TDRD3: variants seen among roughly 807,000 people sequenced by gnomAD.
TDRD3 encodes tudor domain-containing protein 3.
Under a neutral mutation model 86.7 loss-of-function variants are expected in TDRD3, and 45 were observed. The ratio of observed to expected loss-of-function variants is 0.52; its 90% confidence interval spans 0.41 to 0.67. TDRD3 has a LOEUF of 0.67. TDRD3 is among the 30% of genes least tolerant of loss of function. TDRD3 has a pLI of 0.00. For missense variants in TDRD3, 814 were observed against 889.0 expected, an observed-to-expected ratio of 0.92 and a Z score of 1.07; for synonymous variants, 298 against 301.7, an observed-to-expected ratio of 0.99 and a Z score of 0.13.
intron 5 of TDRD3, among the ~76,000 whole-genome samples, chr13:60,474,321 A>G (rs563880083): frequency 6.6e-6 from 1 of 152,134 alleles, no homozygotes; most frequent in East Asian, 1.9e-4. Flanking sequence ...AAATAACAGC[A>G]TAGCTAGGCA....
At chr13:60,412,619 A>G (rs546179602) in intron 1 of TDRD3, among the ~76,000 whole-genome samples, 19 of 152,174 alleles carry the variant, frequency 1.2e-4, no homozygotes, top group African/African-American at 4.3e-4. Flanking sequence ...TGTATTTTGT[A>G]ACTTTCTTAT....
intron 12 of TDRD3, among the ~76,000 whole-genome samples, chr13:60,565,254 A>G (rs926080618): frequency 6.7e-6 from 1 of 150,024 alleles, no homozygotes; most frequent in African/African-American, 2.5e-5. Context: ...ACGAGGTTTC[A>G]CCTTGTTAGC....
At chr13:60,495,610 C>T (rs951840763) in intron 8 of TDRD3, among the ~76,000 whole-genome samples, 1 of 151,994 alleles carries the variant, frequency 6.6e-6, no homozygotes, top group Admixed American at 6.6e-5. Context: ...ATTATAGGCA[C>T]CTGCCACCAC....
At chr13:60,463,832 A>G (rs1566212000) in intron 4 of TDRD3, among the ~76,000 whole-genome samples, 2 of 152,202 alleles carry the variant, frequency 1.3e-5, no homozygotes, top group Admixed American at 1.3e-4. Flanking sequence ...TCAAAAAGAC[A>G]GAAGATAACT....
intron 12 of TDRD3, among the ~76,000 whole-genome samples, chr13:60,566,122 C>G (rs1958453784): frequency 1.3e-5 from 2 of 152,146 alleles, no homozygotes. Context: ...CTTTCTTTTA[C>G]ATGCAGACTG....
At chr13:60,413,527 T>G (rs1483046536) in intron 1 of TDRD3, among the ~76,000 whole-genome samples, 1 of 152,180 alleles carries the variant, frequency 6.6e-6, no homozygotes, top group Non-Finnish European at 1.5e-5. Flanking sequence ...GTTAGGAGGA[T>G]TAATAAGTTA....
chr13:60,521,688 G>A (rs1267728666), intron 10 of TDRD3, among the ~76,000 whole-genome samples: 3 of 152,158 alleles, frequency 2.0e-5, no homozygotes, highest in South Asian at 4.1e-4. Flanking sequence ...CTGAGGTCAG[G>A]AGTTCGAGAC....
At chr13:60,407,056 T>G (rs1377246489) in intron 1 of TDRD3, among the ~76,000 whole-genome samples, 1 of 152,216 alleles carries the variant, frequency 6.6e-6, no homozygotes, top group East Asian at 1.9e-4. Context: ...ATGGAAAAAC[T>G]TGCTAAATAA....
At chr13:60,537,413 A>C (rs1263465019) in intron 12 of TDRD3, 1 of 152,066 alleles carries the variant, frequency 6.6e-6, no homozygotes, top group East Asian at 1.9e-4. Context: ...AGATGTAAAA[A>C]AACCCTGAAG....
intron 7 of TDRD3, among the ~76,000 whole-genome samples, chr13:60,489,725 G>A (rs943430114): frequency 6.6e-6 from 1 of 151,652 alleles, no homozygotes; most frequent in Non-Finnish European, 1.5e-5. Context: ...CCTCTACAAG[G>A]CATACTTTTA....
intron 13 of TDRD3, among the ~76,000 whole-genome samples, chr13:60,571,573 T>A (rs1216603817): frequency 6.6e-6 from 1 of 152,232 alleles, no homozygotes; most frequent in African/African-American, 2.4e-5. Flanking sequence ...AGGTTTTCTT[T>A]TTATGTTTTG....
rs1594884513 is a variant in TDRD3 at position 60,398,351 on chromosome 13, G to T, written c.41+946G>T. Among the ~76,000 whole-genome samples the T allele has an allele frequency of 2.0e-5, 3 of 152,304 alleles. 1 individual carries two copies. Among genetic ancestry groups the T allele is most frequent in the Admixed American group, 2.0e-4 (3 of 15,294 alleles). On this transcript the variant is annotated intron_variant, in intron 1 of 13. Transcript: ENST00000377881. ...GATAAACCGTACGTACAGAGGAACAGATGAGTGCACTGTGGAATGGGAGGG... is the reference window on the plus strand; with the variant it reads ...GATAAACCGTACGTACAGAGGAACATATGAGTGCACTGTGGAATGGGAGGG...
At chr13:60,548,701 A>G (rs1957984238) in intron 12 of TDRD3, among the ~76,000 whole-genome samples, 2 of 152,170 alleles carry the variant, frequency 1.3e-5, no homozygotes, top group South Asian at 4.1e-4. Context: ...AGTAAAATAC[A>G]CTTTGAAATT....
intron 12 of TDRD3, among the ~76,000 whole-genome samples, chr13:60,563,194 C>T (rs1274169766): frequency 2.0e-5 from 3 of 148,862 alleles, no homozygotes; most frequent in Non-Finnish European, 4.4e-5. Context: ...CACCATTGCA[C>T]TCCAGCCTGG....
chr13:60,483,321 T>A (rs1956358109), intron 5 of TDRD3, among the ~76,000 whole-genome samples: 1 of 152,148 alleles, frequency 6.6e-6, no homozygotes, highest in Admixed American at 6.5e-5. Context: ...TTATACACTA[T>A]AACAATCTGT....
At chr13:60,513,701 A>G (rs1169408076) in intron 10 of TDRD3, among the ~76,000 whole-genome samples, 1 of 152,168 alleles carries the variant, frequency 6.6e-6, no homozygotes, top group Admixed American at 6.5e-5. Context: ...TGATGGCTTT[A>G]TAAAGTGGAA....
chr13:60,553,279 G>C (rs139602135), intron 12 of TDRD3, among the ~76,000 whole-genome samples: 6 of 152,214 alleles, frequency 3.9e-5, no homozygotes, highest in Non-Finnish European at 8.8e-5. Context: ...AATTTCTTCA[G>C]CCAGATACCC....
In TDRD3 at chr13:60,406,773, C is replaced by A. The variant is rs1286107437; in HGVS notation, c.41+9368C>A. Among the ~76,000 whole-genome samples the A allele has an allele frequency of 3.9e-5, 6 of 152,146 alleles. No homozygotes were observed. The East Asian group carries it at 1.2e-3, about 29-fold the overall frequency. ...ACTTGCTGATATTGGAGACTCAGAG[C>A]ACCTTTTAAAACACTCTTTATAAAT... On this transcript the variant is annotated intron_variant, in intron 1 of 13. Transcript: ENST00000377881.
At chr13:60,486,457 T>C (rs1956438527) in intron 7 of TDRD3, among the ~76,000 whole-genome samples, 2 of 152,316 alleles carry the variant, frequency 1.3e-5, no homozygotes, top group South Asian at 2.1e-4. Context: ...TTACATTATA[T>C]GTCTATTTAC....
Sources: allele counts gnomAD v4.1 joint callset (sites outside exome capture counted in the v4.1 genomes callset), GRCh38; gene constraint gnomAD v4.1.1; transcripts MANE v1.5; gene names NCBI Gene and HGNC (gene_info 2026-07-23, HGNC 2026-07-21).